TCF12: variants seen among roughly 807,000 people sequenced by gnomAD.
The protein encoded by TCF12 is DNA-binding protein HTF4.
In TCF12, 45 loss-of-function variants were observed where a neutral mutation model predicts 86.0. The observed-to-expected ratio is 0.52, with a 90% CI of 0.41 to 0.67. TCF12 has a LOEUF of 0.67. TCF12 is among the 30% of genes least tolerant of loss of function. The pLI is 0.00. For synonymous variants in TCF12, 330 were observed against 299.6 expected (o/e 1.10, Z -1.05); for missense variants, 881 against 859.9 (o/e 1.02, Z -0.31).
intron 5 of TCF12, among the ~76,000 whole-genome samples, chr15:57,133,834 A>G (rs1210833695): frequency 2.0e-5 from 3 of 151,906 alleles, no homozygotes; most frequent in Non-Finnish European, 4.4e-5. Flanking sequence ...TTCTCTTTTT[A>G]CCTATTTTTA....
chr15:57,177,635 A>AGAGAGAGAGAGAGAGAGT (rs1567572959), intron 6 of TCF12, among the ~76,000 whole-genome samples: 4 of 151,992 alleles, frequency 2.6e-5, no homozygotes, highest in African/African-American at 4.8e-5. Context: ...AGAGAGAGAG[A>AGAGAGAGAGAGAGAGAGT]GAGTTGGATT....
At chr15:57,110,498 A>C (rs375688865) in intron 5 of TCF12, among the ~76,000 whole-genome samples, 3 of 152,222 alleles carry the variant, frequency 2.0e-5, no homozygotes, top group Admixed American at 1.3e-4. Context: ...AACTGGCGTC[A>C]TCGTTCCATG....
intron 4 of TCF12, among the ~76,000 whole-genome samples, chr15:57,074,860 C>T (rs1313120101): frequency 6.6e-6 from 1 of 152,172 alleles, no homozygotes; most frequent in Non-Finnish European, 1.5e-5. Flanking sequence ...GGATATGCAT[C>T]TCACAAGGCA....
intron 6 of TCF12, among the ~76,000 whole-genome samples, chr15:57,172,649 G>C (rs2055595939): frequency 6.6e-6 from 1 of 152,148 alleles, no homozygotes; most frequent in South Asian, 2.1e-4. Flanking sequence ...TGGGAGGAGG[G>C]AGAGGATCAG....
intron 3 of TCF12, among the ~76,000 whole-genome samples, chr15:56,978,227 A>C (rs1175535363): frequency 2.6e-5 from 4 of 152,210 alleles, no homozygotes; most frequent in Non-Finnish European, 5.9e-5. Context: ...GAGTAGTAGT[A>C]GTATGTACAT....
At chr15:57,142,837 A>G (rs1180370587) in intron 5 of TCF12, among the ~76,000 whole-genome samples, 2 of 152,118 alleles carry the variant, frequency 1.3e-5, no homozygotes, top group Non-Finnish European at 2.9e-5. Flanking sequence ...ACTCTTTCCA[A>G]TCTAATCTTA....
At chr15:56,929,501 A>G (rs939979978) in intron 3 of TCF12, among the ~76,000 whole-genome samples, 1 of 151,880 alleles carries the variant, frequency 6.6e-6, no homozygotes, top group Admixed American at 6.6e-5. Context: ...TTTTTGTTCC[A>G]TGTTTAAAAT....
chr15:57,053,796 C>A (rs2067800548), intron 3 of TCF12, among the ~76,000 whole-genome samples: 1 of 152,090 alleles, frequency 6.6e-6, no homozygotes, highest in African/African-American at 2.4e-5. Flanking sequence ...GTTTGCTGAC[C>A]TGTGCTATAG....
chr15:56,930,302 A>G (rs1006808216), intron 3 of TCF12, among the ~76,000 whole-genome samples: 1 of 152,216 alleles, frequency 6.6e-6, no homozygotes, highest in African/African-American at 2.4e-5. Context: ...AAAAAATGCT[A>G]GGCTCACTTT....
chr15:57,049,183 A>G (rs1355432736), intron 3 of TCF12, among the ~76,000 whole-genome samples: 2 of 152,164 alleles, frequency 1.3e-5, no homozygotes, highest in Non-Finnish European at 2.9e-5. Context: ...AGAACTTCCC[A>G]TGTGATCAGT....
At chr15:56,960,573 G>C (rs2061701453) in intron 3 of TCF12, among the ~76,000 whole-genome samples, 1 of 151,780 alleles carries the variant, frequency 6.6e-6, no homozygotes, top group East Asian at 2.0e-4. Flanking sequence ...AGGAGTACAG[G>C]CATCTGCCAC....
chr15:57,053,922 G>C (rs1567327669), intron 3 of TCF12, among the ~76,000 whole-genome samples: 1 of 152,170 alleles, frequency 6.6e-6, no homozygotes, highest in Non-Finnish European at 1.5e-5. Context: ...GAGCCTGCTG[G>C]GTGTGTGGCA....
intron 3 of TCF12, among the ~76,000 whole-genome samples, chr15:56,933,588 C>T (rs956817911): frequency 5.3e-5 from 8 of 152,112 alleles, no homozygotes; most frequent in Admixed American, 1.3e-4. Context: ...CTCTCTGAGT[C>T]TGTTTATCTT....
In TCF12 at chr15:57,231,154, A is replaced by G. The variant is rs2059120324; in HGVS notation, c.582A>G (p.Val194=). The G allele has an allele frequency of 4.4e-6, 7 of 1,608,980 alleles. No homozygotes were observed. The highest frequency in any genetic ancestry group is 1.3e-5 in the African/African-American group (1 of 74,806). Residue 194 remains valine, a splice_region_variant and synonymous_variant, in exon 9 of 21, where the codon GTA becomes GTG. Transcript: ENST00000333725. The part of the protein sequence containing the change: ...RKVPPGLPSS[V]YAPSPNSDDF... Reference sequence around the variant, plus strand: ...TAAATGTGCTGTTTAATTTTAAGGTATATGCACCATCCCCAAATTCAGATG... The same window carrying G: ...TAAATGTGCTGTTTAATTTTAAGGTGTATGCACCATCCCCAAATTCAGATG...
chr15:57,048,311 T>G (rs1378085154), intron 3 of TCF12, among the ~76,000 whole-genome samples: 3 of 152,136 alleles, frequency 2.0e-5, no homozygotes, highest in Non-Finnish European at 4.4e-5. Context: ...GCCCAGGCTG[T>G]AGTGCAGTGG....
chr15:57,187,189 A>T (rs2056721450), intron 6 of TCF12, among the ~76,000 whole-genome samples: 1 of 142,680 alleles, frequency 7.0e-6, no homozygotes, highest in African/African-American at 2.6e-5. Context: ...AAAAAAAAAA[A>T]GATTCTGACA....
intron 5 of TCF12, among the ~76,000 whole-genome samples, chr15:57,113,638 CTGTTGAAAAGTAAATTTAG>C (rs1478013821): frequency 6.6e-6 from 1 of 151,764 alleles, no homozygotes; most frequent in Non-Finnish European, 1.5e-5. Context: ...TACAGAACTC[CTGTTGAAAAGTAAATTTAG>C]GCTGGGCTCA....
intron 4 of TCF12, among the ~76,000 whole-genome samples, chr15:57,071,369 A>AT (rs1471936278): frequency 6.6e-6 from 1 of 151,956 alleles, no homozygotes; most frequent in Non-Finnish European, 1.5e-5. Flanking sequence ...AAAAAAAAAA[A>AT]GTTGCTGGTT....
chr15:57,090,601 CA>C (rs1432309068), intron 4 of TCF12, among the ~76,000 whole-genome samples: 15 of 152,280 alleles, frequency 9.9e-5, no homozygotes, highest in African/African-American at 3.6e-4. Flanking sequence ...AGCATGCCTG[CA>C]AAGATAGTGA....
Sources: allele counts gnomAD v4.1 joint callset (sites outside exome capture counted in the v4.1 genomes callset), GRCh38; gene constraint gnomAD v4.1.1; transcripts MANE v1.5; gene names NCBI Gene and HGNC (gene_info 2026-07-23, HGNC 2026-07-21).